The following KMT2B variants were observed in gnomAD, a reference collection of about 807,000 sequenced individuals.
KMT2B encodes the protein lysine methyltransferase 2B, also known as histone-lysine N-methyltransferase 2B.
KMT2B carries 22 observed loss-of-function variants against 255.3 expected under a neutral mutation model. That is an observed-to-expected ratio of 0.09 (90% CI 0.06 to 0.12). The LOEUF (loss-of-function observed/expected upper bound fraction) is 0.12, where lower values mean the gene tolerates loss of function less well. Ranked by LOEUF, KMT2B falls within the 10% of genes least tolerant of loss-of-function variation. The probability of loss-of-function intolerance (pLI) is 1.00; values close to 1 mark genes in which losing one functional copy is unlikely to be tolerated. For synonymous variants in KMT2B, 1,730 were observed against 1,498.1 expected, an observed-to-expected ratio of 1.15 and a Z score of -3.57; for missense variants, 3,149 against 3,737.0, an observed-to-expected ratio of 0.84 and a Z score of 4.10.
Position 35,718,524 on chromosome 19 carries a change from C to A in KMT2B, c.363+143C>A. On this transcript the variant is annotated intron_variant, in intron 1 of 36. Coordinates refer to ENST00000420124, the MANE Select transcript of KMT2B (RefSeq NM_014727.3). This position sits in a 1 kb window ranked among gnomAD's most constrained non-coding sequence, Gnocchi z 5.0. ...ACGGGGCACGGAGGGAGGGCGGCTG[C>A]ATGCAGCTTCCGGGGGAAAGGGCCT... 9.8e-7 allele frequency: 1 copy of A among 1,017,774 alleles called. No homozygotes were observed. The highest frequency in any genetic ancestry group is 1.2e-6 in the Non-Finnish European group (1 of 801,300). 63.0% of individuals were successfully genotyped at this position (1,017,774 alleles called of 1,614,324 possible).
chr19:35,732,122 C>T lies in KMT2B; in HGVS notation c.5652C>T (p.Pro1884=), dbSNP rs772745445. Reference sequence around the variant, plus strand: ...CCTTGGGGGGTGTCTCCTTTGGCCCCCTGCCCTCCCCTGGTGAGCACCGGG... The same window carrying T: ...CCTTGGGGGGTGTCTCCTTTGGCCCTCTGCCCTCCCCTGGTGAGCACCGGG... ...RRPLGGVSFG[P]LPSPGSPSSL... The change falls in exon 27 of 37, where the codon CCC becomes CCT. Residue 1884 remains proline (P), a synonymous_variant. Coordinates refer to ENST00000420124, the MANE Select transcript of KMT2B (RefSeq NM_014727.3). 16 of 1,592,906 alleles carry T rather than the reference C, an allele frequency of 1.0e-5. No individual in the cohort carries two copies. The highest frequency in any genetic ancestry group is 1.2e-5 in the Non-Finnish European group (14 of 1,169,922).
In KMT2B at chr19:35,733,765, C is replaced by G. The variant is rs751116452; in HGVS notation, c.7052C>G (p.Pro2351Arg). ...GEPAGEESPG[P>R]LQERSPLLPL... ...TCCTGACAGGTCTCTTCTCGCAGGC[C>G]CCTCCAGGAACGGTCCCCTTTGCTG... The change falls in exon 30 of 37, where the codon CCC becomes CGC. Residue 2351 changes from proline (P) to arginine (R), a missense_variant and splice_region_variant. Transcript: ENST00000420124. This position sits in a 1 kb window ranked among gnomAD's most constrained non-coding sequence, Gnocchi z 4.3. 5 of 1,612,978 alleles carry G rather than the reference C, an allele frequency of 3.1e-6. No individual in the cohort carries two copies. Among genetic ancestry groups the G allele is most frequent in the Non-Finnish European group, 4.2e-6 (5 of 1,179,418 alleles).
At position 35,727,496 on chromosome 19, in the gene KMT2B, G is replaced by T; in HGVS notation, c.4176G>T (p.Pro1392=). ...LPDSVLYTCG[P]CAGAAQPRWR... ...ACTCGGTGCTGTACACCTGCGGACC[G>T]TGTGCTGGGGCAGCGCAGCCCCGCT... is the stretch of plus-strand genomic sequence containing the variant. Residue 1392 remains proline, a synonymous_variant, in exon 16 of 37, where the codon CCG becomes CCT. Transcript: ENST00000420124. The surrounding 1 kb of genome is among the most constrained non-coding windows in gnomAD (Gnocchi z 4.2). 1 of 1,611,900 alleles carries T rather than the reference G, an allele frequency of 6.2e-7. No individual in the cohort carries two copies.
rs184100677 is a variant in KMT2B, at chr19:35,725,375, C to T, written c.3642+42C>T. The T allele has an allele frequency of 3.1e-4, 478 of 1,560,162 alleles. 5 individuals carry two copies. The Middle Eastern group carries it at 3.3e-3, about 11-fold the overall frequency. ...TCTTCACAGACCCCCAGCTCTCTGT[C>T]GGTCCTCACGGCCTGATTCCTTGGG... On this transcript the variant is annotated intron_variant, in intron 11 of 36. Transcript: ENST00000420124. This position sits in a 1 kb window ranked among gnomAD's most constrained non-coding sequence, Gnocchi z 4.1.
rs761988231 is a variant in KMT2B at position 35,736,778 on chromosome 19, C to T, written c.7248C>T (p.Phe2416=). The T allele has an allele frequency of 4.3e-6, 7 of 1,613,972 alleles. No homozygotes were observed. Among genetic ancestry groups the T allele is most frequent in the African/African-American group, 4.0e-5 (3 of 75,030 alleles). Residue 2416 remains phenylalanine (F), a synonymous_variant, in exon 31 of 37, where the codon TTC becomes TTT. Coordinates refer to ENST00000420124, the MANE Select transcript of KMT2B (RefSeq NM_014727.3). The part of the protein sequence containing the change: ...APKRTGPHLR[F]EISSEDGFSV... ...AACGGACTGGCCCACATCTGCGCTT[C>T]GAGATCAGCAGTGAGGATGGGTTCA...
In KMT2B at chr19:35,727,395, A is replaced by G. The variant is rs749641378; in HGVS notation, c.4118-43A>G. The G allele has an allele frequency of 5.0e-6, 8 of 1,608,732 alleles. No homozygotes were observed. The South Asian group carries it at 7.7e-5, about 15-fold the overall frequency. ...CCTAGGGGCTGCTGGGAGCCCTCAC[A>G]TCCTCTGAAACCACTTTTCCCTTTC... is the stretch of plus-strand genomic sequence containing the variant. On this transcript the variant is annotated intron_variant, in intron 15 of 36. Coordinates refer to ENST00000420124, the MANE Select transcript of KMT2B (RefSeq NM_014727.3). The surrounding 1 kb of genome is among the most constrained non-coding windows in gnomAD (Gnocchi z 4.2).
chr19:35,720,461 G>A lies in KMT2B; in HGVS notation c.1114G>A (p.Glu372Lys), dbSNP rs1358301425. 27 of 1,551,770 alleles carry A rather than the reference G, an allele frequency of 1.7e-5. No individual in the cohort carries two copies. The highest frequency in any genetic ancestry group is 1.2e-4 in the East Asian group (5 of 40,946). The change falls in exon 3 of 37, where the codon GAA becomes AAA. Residue 372 changes from glutamate to lysine, a missense_variant. Physicochemically the swap from Glu to Lys is moderately conservative, Grantham distance 56. Transcript: ENST00000420124. ...DDEEEEKKEEEEKDKEGEEKE... is the reference protein window; with the variant it reads ...DDEEEEKKEEKEKDKEGEEKE... Reference sequence around the variant, plus strand: ...CGAGGAAGAAGAGAAGAAAGAAGAAGAAGAAAAAGACAAGGAGGGAGAAGA... The same window carrying A: ...CGAGGAAGAAGAGAAGAAAGAAGAAAAAGAAAAAGACAAGGAGGGAGAAGA...
Position 35,719,465 on chromosome 19 carries a change from T to C in KMT2B, c.364-4T>C. ...CTCCCCTCCACCCCGGTCCCCTAAA[T>C]CAGGAGTTTCAGGGTTTTCATTCAG... On this transcript the variant is annotated splice_polypyrimidine_tract_variant and splice_region_variant and intron_variant, in intron 1 of 36. Transcript: ENST00000420124. The C allele has an allele frequency of 1.3e-6, 2 of 1,577,520 alleles. No individual in the cohort carries two copies. The highest frequency in any genetic ancestry group is 1.7e-6 in the Non-Finnish European group (2 of 1,161,318).
rs1273880068 is a variant in KMT2B at position 35,720,528 on chromosome 19, C to T, written c.1181C>T (p.Ala394Val). 3.5e-5 allele frequency: 54 copies of T among 1,549,892 alleles called. No individual in the cohort carries two copies. Among genetic ancestry groups the T allele is most frequent in the East Asian group, 7.3e-5 (3 of 40,908 alleles). ...GTAGCTGAGGAGATGATGCCAGCTG[C>T]GGAAAAGGAAGAGGCAAAGCTGCCA... ...RAVAEEMMPA[A>V]EKEEAKLPPP... is the part of the protein sequence containing the mutation. Residue 394 changes from alanine to valine, a missense_variant, in exon 3 of 37, where the codon GCG (alanine) becomes GTG (valine). Transcript: ENST00000420124.
chr19:35,724,144 T>A (rs1407231242), intron 8 of KMT2B, 137 bp downstream of exon 8: 1 of 805,246 alleles, frequency 1.2e-6, no homozygotes, highest in Non-Finnish European at 1.9e-6. Context: ...AGGAGACAGT[T>A]TTTAGGTGGA....
chr19:35,721,912 C>A, intron 3 of KMT2B, 108 bp downstream of exon 3: 2 of 1,393,630 alleles, frequency 1.4e-6, no homozygotes, highest in Non-Finnish European at 1.9e-6. Context: ...TGCGGGGAAC[C>A]CTCAGAACCT....
At position 35,727,232 on chromosome 19, in the gene KMT2B, C is replaced by T. The variant is rs753619470; in HGVS notation, c.4080C>T (p.Cys1360=). ...YESKMMQCAQ[C]DHWVHAKCEG... ...GCAAGATGATGCAGTGCGCACAGTG[C>T]GATCACTGGGTGCATGCCAAGTGCG... The change falls in exon 15 of 37, where the codon TGC becomes TGT. Residue 1360 remains cysteine, a synonymous_variant. Transcript: ENST00000420124. The surrounding 1 kb of genome is among the most constrained non-coding windows in gnomAD (Gnocchi z 4.2). 12 of 1,613,146 alleles carry T rather than the reference C, an allele frequency of 7.4e-6. No homozygotes were observed. Among genetic ancestry groups the T allele is most frequent in the African/African-American group, 5.3e-5 (4 of 74,890 alleles).
At chr19:35,731,786 G>T (rs1969703621) in intron 26 of KMT2B, 122 bp from the exon 27 acceptor site, 3 of 756,152 alleles carry the variant, frequency 4.0e-6, no homozygotes, top group East Asian at 5.4e-5. Context: ...CTGGAAACTG[G>T]GGCCTGTTGT....
chr19:35,729,337 C>T (rs552503307), intron 22 of KMT2B, 41 bp downstream of exon 22: 2 of 1,558,306 alleles, frequency 1.3e-6, no homozygotes, highest in East Asian at 4.8e-5. Context: ...CTCTCTGGCT[C>T]TTGGGGAGGC....
chr19:35,737,989 T>TAGGGG lies in KMT2B; in HGVS notation c.7742+47_7742+48insAGGGG, dbSNP rs752674430. On this transcript the variant is annotated intron_variant, in intron 35 of 36. Transcript: ENST00000420124. This position sits in a 1 kb window ranked among gnomAD's most constrained non-coding sequence, Gnocchi z 5.3. ...GATGCCCCTTGGGTGGACGGACAGG[T>TAGGGG]GCACTGGGTAGGGGGTACTGTCTGG... is the stretch of plus-strand genomic sequence containing the variant. 1.9e-6 allele frequency: 3 copies of TAGGGG among 1,609,964 alleles called. No individual in the cohort carries two copies. The Admixed American group carries it at 5.1e-5, about 27-fold the overall frequency.
In KMT2B at chr19:35,724,655, C is replaced by T. The variant is rs369558462; in HGVS notation, c.3353C>T (p.Pro1118Leu). 1.7e-5 allele frequency: 27 copies of T among 1,599,872 alleles called. No homozygotes were observed. The highest frequency in any genetic ancestry group is 2.2e-5 in the Non-Finnish European group (26 of 1,173,682). ...PRENELPLPE[P>L]EEQSRPRKPT... ...TGCCTAGAGCTGCCACTGCCAGAAC[C>T]TGAGGAGCAGAGCCGGCCCCGCAAA... The change falls in exon 9 of 37, where the codon CCT (proline) becomes CTT (leucine). Residue 1118 changes from proline (P) to leucine (L), a missense_variant. Pro to Leu is a moderately conservative substitution (Grantham distance 98, BLOSUM62 -3). Around this residue, in one of 18 missense-constraint regions of KMT2B, gnomAD observed 136 missense variants for 137.3 expected, o/e 0.99. Coordinates refer to ENST00000420124, the MANE Select transcript of KMT2B (RefSeq NM_014727.3).
intron 30 of KMT2B, among the ~76,000 whole-genome samples, chr19:35,734,212 C>T (rs1433469620): frequency 1.3e-5 from 2 of 151,984 alleles, no homozygotes; most frequent in Non-Finnish European, 2.9e-5. Context: ...AGAGGGAATG[C>T]AGCCCAGCTA....
In KMT2B at chr19:35,723,727, C is replaced by A; in HGVS notation, c.3059-5C>A. On this transcript the variant is annotated splice_region_variant and splice_polypyrimidine_tract_variant and intron_variant, in intron 7 of 36. Transcript: ENST00000420124. This position sits in a 1 kb window ranked among gnomAD's most constrained non-coding sequence, Gnocchi z 7.5. ...CAAATCCTACTAAGTCCCCTGTTCC[C>A]GCAGGCCGGACGATAGTGAAGACGC... The A allele has an allele frequency of 6.6e-7, 1 of 1,522,044 alleles. No individual in the cohort carries two copies. Among genetic ancestry groups the A allele is most frequent in the South Asian group, 1.3e-5 (1 of 77,462 alleles). 94.3% of individuals were successfully genotyped at this position (1,522,044 alleles called of 1,614,324 possible). A position where few individuals can be genotyped will look rare whatever the true frequency, so the allele number is the denominator to read the frequency against.
rs746453763 is a variant in KMT2B at position 35,721,277 on chromosome 19, C to T, written c.1930C>T (p.Pro644Ser). 1 of 1,509,604 alleles carries T rather than the reference C, an allele frequency of 6.6e-7. No homozygotes were observed. Among genetic ancestry groups the T allele is most frequent in the Non-Finnish European group, 8.9e-7 (1 of 1,128,460 alleles). The allele number at this position is 1,509,604 out of a possible 1,614,324, so 93.5% of individuals were successfully genotyped here. A position where few individuals can be genotyped will look rare whatever the true frequency, so the allele number is the denominator to read the frequency against. ...PPAPATSSRR[P>S]LLLRAPQFTP... ...TGCTCCTGCCACCTCCTCCCGGAGG[C>T]CCCTACTCCTTCGGGCCCCTCAGTT... The change falls in exon 3 of 37, where the codon CCC (proline) becomes TCC (serine). Residue 644 changes from proline (P) to serine (S), a missense_variant. Transcript: ENST00000420124.
Sources: gnomAD v4.1 joint callset for allele counts (sites outside exome capture counted in the v4.1 genomes callset) on GRCh38, gnomAD v4.1.1 for gene constraint, gnomAD v4.1.1 regional missense constraint, Gnocchi (gnomAD v3.1) non-coding constraint, MANE v1.5 for transcripts, NCBI Gene and HGNC (gene_info 2026-07-23, HGNC 2026-07-21) for gene names.